Variants in TENM4 observed in about 807,000 individuals in gnomAD.
TENM4 encodes the protein teneurin-4.
Under a neutral mutation model 243.3 loss-of-function variants are expected in TENM4, and 82 were observed. The ratio of observed to expected loss-of-function variants is 0.34; its 90% confidence interval spans 0.28 to 0.40. The LOEUF (loss-of-function observed/expected upper bound fraction) is 0.40, where lower values mean the gene tolerates loss of function less well. Ranked by LOEUF, TENM4 falls within the 10% of genes least tolerant of loss-of-function variation. TENM4 has a pLI of 1.00. For missense variants in TENM4, 3,138 were observed against 3,673.3 expected (o/e 0.85, Z 3.77); for synonymous variants, 1,412 against 1,456.3 (o/e 0.97, Z 0.69).
At chr11:79,246,217 C>T (rs766032657) in intron 2 of TENM4, among the ~76,000 whole-genome samples, 5 of 152,270 alleles carry the variant, frequency 3.3e-5, no homozygotes, top group Non-Finnish European at 7.3e-5. Context: ...AGCACATAAA[C>T]GTCATTTCAC....
At chr11:78,979,117 G>A (rs549012568) in intron 6 of TENM4, among the ~76,000 whole-genome samples, 29 of 152,280 alleles carry the variant, frequency 1.9e-4, no homozygotes, top group Non-Finnish European at 3.4e-4. Context: ...GGGGTGGCTG[G>A]TTCTGTGTGA....
intron 6 of TENM4, among the ~76,000 whole-genome samples, chr11:79,019,274 A>T (rs1305859071): frequency 6.6e-6 from 1 of 152,180 alleles, no homozygotes; most frequent in Non-Finnish European, 1.5e-5. Flanking sequence ...AGAAGAAAAG[A>T]TGGAAGTTAG....
At chr11:78,990,470 C>T (rs977941327) in intron 6 of TENM4, among the ~76,000 whole-genome samples, 5 of 152,100 alleles carry the variant, frequency 3.3e-5, no homozygotes, top group African/African-American at 1.2e-4. Context: ...ACAGAAAACC[C>T]CGGGGCACCC....
At chr11:79,371,978 G>T (rs1482258642) in intron 1 of TENM4, among the ~76,000 whole-genome samples, 2 of 152,144 alleles carry the variant, frequency 1.3e-5, no homozygotes, top group East Asian at 3.9e-4. Context: ...GAGGAAGAGA[G>T]CCCAAGGTGT....
intron 3 of TENM4, among the ~76,000 whole-genome samples, chr11:79,164,957 ATGTGTGTGTG>A (rs369197845): frequency 0.02 from 2,739 of 139,928 alleles, 86 homozygotes; most frequent in South Asian, 0.066. Flanking sequence ...CTATATATAT[ATGTGTGTGTG>A]TGTGTGTGTG....
chr11:79,136,773 G>T (rs769451690), intron 4 of TENM4, among the ~76,000 whole-genome samples: 2 of 152,226 alleles, frequency 1.3e-5, no homozygotes, highest in Non-Finnish European at 2.9e-5. Context: ...TCTGACCAAG[G>T]CACTCACTTT....
At chr11:78,846,170 G>A (rs1280666524) in intron 12 of TENM4, among the ~76,000 whole-genome samples, 1 of 152,250 alleles carries the variant, frequency 6.6e-6, no homozygotes, top group African/African-American at 2.4e-5. Flanking sequence ...TCCTATTTAT[G>A]AGATCTTGGC....
chr11:79,004,005 A>AC (rs1277858904), intron 6 of TENM4, among the ~76,000 whole-genome samples: 7 of 152,028 alleles, frequency 4.6e-5, no homozygotes, highest in East Asian at 3.9e-4. Context: ...AAAAAAAAAA[A>AC]AACAGACTTT....
intron 29 of TENM4, among the ~76,000 whole-genome samples, chr11:78,686,722 A>C (rs1858685261): frequency 1.3e-5 from 2 of 152,198 alleles, no homozygotes; most frequent in African/African-American, 4.8e-5. Context: ...TGGTCACAGA[A>C]GTCTTCTGTT....
chr11:79,167,435 A>G (rs771513959), intron 3 of TENM4, among the ~76,000 whole-genome samples: 4 of 152,238 alleles, frequency 2.6e-5, no homozygotes, highest in Non-Finnish European at 5.9e-5. Context: ...TATACATATC[A>G]CCTCAACTAA....
intron 2 of TENM4, among the ~76,000 whole-genome samples, chr11:79,245,536 A>C (rs564210981): frequency 1.1e-4 from 17 of 152,356 alleles, no homozygotes; most frequent in African/African-American, 4.1e-4. Context: ...CCTGAAAAGC[A>C]GGGATAATAA....
chr11:79,128,490 C>T (rs536398069), intron 4 of TENM4, among the ~76,000 whole-genome samples: 19 of 152,296 alleles, frequency 1.2e-4, no homozygotes, highest in Middle Eastern at 3.4e-3. Context: ...CAAATGCCCA[C>T]GGTCTCCACT....
intron 1 of TENM4, among the ~76,000 whole-genome samples, chr11:79,405,174 CAT>C (rs1013722941): frequency 2.0e-5 from 3 of 152,046 alleles, no homozygotes; most frequent in African/African-American, 7.2e-5. Flanking sequence ...ACAACAATAA[CAT>C]TATTATTATT....
intron 2 of TENM4, among the ~76,000 whole-genome samples, chr11:79,234,447 T>A (rs982154592): frequency 1.3e-5 from 2 of 152,224 alleles, no homozygotes; most frequent in South Asian, 4.1e-4. Context: ...CTCGGGCAAT[T>A]CACTGCATGG....
At chr11:79,083,053 G>A (rs1313795689) in intron 4 of TENM4, among the ~76,000 whole-genome samples, 1 of 152,206 alleles carries the variant, frequency 6.6e-6, no homozygotes, top group Non-Finnish European at 1.5e-5. Context: ...GCCTAATCAA[G>A]CCTTGTGCTG....
chr11:78,962,667 G>C lies in TENM4; in HGVS notation c.494-59144C>G, dbSNP rs186116924. On this transcript the variant is annotated intron_variant, in intron 6 of 33. Coordinates refer to ENST00000278550, the MANE Select transcript of TENM4 (RefSeq NM_001098816.3). ...TGAAAACCCGGGGTCTAGTCCTGAC[G>C]GGGCTAGGTGATCTATCAAACAGCT... Among the ~76,000 whole-genome samples, 105 of 152,314 alleles carry C rather than the reference G, an allele frequency of 6.9e-4. 2 individuals carry two copies. Among genetic ancestry groups the C allele is most frequent in the East Asian group, 4.8e-3 (25 of 5,180 alleles).
chr11:78,972,493 G>C (rs1857568816), intron 6 of TENM4, among the ~76,000 whole-genome samples: 1 of 152,140 alleles, frequency 6.6e-6, no homozygotes, highest in South Asian at 2.1e-4. Context: ...AAAAGTGTTT[G>C]TCAGGAACAG....
At chr11:79,396,234 TC>T (rs1425600200) in intron 1 of TENM4, among the ~76,000 whole-genome samples, 1 of 152,222 alleles carries the variant, frequency 6.6e-6, no homozygotes. Context: ...CTTAATATTC[TC>T]CCCCACTGTA....
chr11:79,034,001 GA>G (rs1237485502), intron 6 of TENM4, among the ~76,000 whole-genome samples: 20 of 152,172 alleles, frequency 1.3e-4, no homozygotes, highest in Non-Finnish European at 2.5e-4. Flanking sequence ...GATGGAGCGT[GA>G]AAAGAGCAGG....
Sources: gnomAD v4.1 joint callset for allele counts (sites outside exome capture counted in the v4.1 genomes callset) on GRCh38, gnomAD v4.1.1 for gene constraint, MANE v1.5 for transcripts, NCBI Gene and HGNC (gene_info 2026-07-23, HGNC 2026-07-21) for gene names.